Variants in MDGA2 observed in about 807,000 individuals in gnomAD.
MDGA2 encodes the protein MAM domain-containing glycosylphosphatidylinositol anchor protein 2.
A neutral mutation model predicts 117.8 loss-of-function variants in MDGA2; 40 were observed. The ratio of observed to expected loss-of-function variants is 0.34; its 90% CI spans 0.26 to 0.44. The LOEUF is 0.44. MDGA2 is among the 20% of genes least tolerant of loss of function. The probability of loss-of-function intolerance (pLI) is 1.00; values close to 1 mark genes in which losing one functional copy is unlikely to be tolerated. For synonymous variants in MDGA2, 452 were observed against 439.0 expected (o/e 1.03, Z -0.37); for missense variants, 1,123 against 1,250.6 (o/e 0.90, Z 1.54).
At chr14:47,034,569 A>C (rs1271026506) in intron 8 of MDGA2, among the ~76,000 whole-genome samples, 1 of 152,154 alleles carries the variant, frequency 6.6e-6, no homozygotes, top group Non-Finnish European at 1.5e-5. Flanking sequence ...ATAGGTAGAT[A>C]ATTTGGGAAA....
At chr14:47,520,323 C>T (rs1218684715) in intron 1 of MDGA2, among the ~76,000 whole-genome samples, 1 of 152,122 alleles carries the variant, frequency 6.6e-6, no homozygotes, top group Non-Finnish European at 1.5e-5. Context: ...GCAATGGATA[C>T]CTGCAACAAA....
intron 1 of MDGA2, among the ~76,000 whole-genome samples, chr14:47,369,448 T>C (rs1458594282): frequency 6.6e-6 from 1 of 152,152 alleles, no homozygotes; most frequent in Non-Finnish European, 1.5e-5. Flanking sequence ...CACTATTTCC[T>C]AATGGCTTTT....
intron 1 of MDGA2, among the ~76,000 whole-genome samples, chr14:47,469,738 C>T (rs1419678799): frequency 6.6e-6 from 1 of 152,090 alleles, no homozygotes; most frequent in Non-Finnish European, 1.5e-5. Context: ...CACTGACTTC[C>T]ACAATGGTTG....
At chr14:47,478,850 T>A (rs990680414) in intron 1 of MDGA2, among the ~76,000 whole-genome samples, 1 of 152,188 alleles carries the variant, frequency 6.6e-6, no homozygotes, top group Non-Finnish European at 1.5e-5. Context: ...AGACATGGCT[T>A]TGAAGAATTA....
At chr14:47,466,022 C>T (rs1893595934) in intron 1 of MDGA2, among the ~76,000 whole-genome samples, 1 of 152,078 alleles carries the variant, frequency 6.6e-6, no homozygotes, top group South Asian at 2.1e-4. Flanking sequence ...TTTGTGGGAA[C>T]ATGGATGGAG....
chr14:47,336,981 A>G (rs1304354947), intron 1 of MDGA2, among the ~76,000 whole-genome samples: 1 of 151,968 alleles, frequency 6.6e-6, no homozygotes, highest in African/African-American at 2.4e-5. Flanking sequence ...TTTCACATTC[A>G]TGCCAATGTG....
intron 1 of MDGA2, among the ~76,000 whole-genome samples, chr14:47,367,146 T>C (rs1356786300): frequency 1.3e-5 from 2 of 152,180 alleles, no homozygotes; most frequent in Non-Finnish European, 2.9e-5. Context: ...TTCTTTATTT[T>C]ATGATAAACA....
intron 8 of MDGA2, among the ~76,000 whole-genome samples, chr14:46,966,147 TAA>T (rs1886022418): frequency 6.6e-6 from 1 of 152,296 alleles, no homozygotes; most frequent in South Asian, 2.1e-4. Flanking sequence ...GATACTGTGT[TAA>T]GATATTCACA....
At chr14:46,932,088 A>C (rs1884601955) in intron 9 of MDGA2, among the ~76,000 whole-genome samples, 1 of 152,156 alleles carries the variant, frequency 6.6e-6, no homozygotes, top group Non-Finnish European at 1.5e-5. Context: ...GCATTTAAAG[A>C]AAATGCCATA....
intron 2 of MDGA2, among the ~76,000 whole-genome samples, chr14:47,251,796 C>A (rs1163096841): frequency 6.6e-6 from 1 of 152,138 alleles, no homozygotes; most frequent in Non-Finnish European, 1.5e-5. Context: ...AAAACACAAT[C>A]AACATAAAGA....
intron 2 of MDGA2, among the ~76,000 whole-genome samples, chr14:47,298,683 CTTTT>C (rs66784813): frequency 1.2e-4 from 15 of 126,112 alleles, no homozygotes; most frequent in Non-Finnish European, 2.0e-4. Context: ...CTTAATTTTT[CTTTT>C]TTTTTTTTTT....
At chr14:47,507,579 T>C (rs920191135) in intron 1 of MDGA2, among the ~76,000 whole-genome samples, 11 of 152,208 alleles carry the variant, frequency 7.2e-5, no homozygotes, top group African/African-American at 2.7e-4. Context: ...TTCAAGTAGC[T>C]ATAACATGTT....
At chr14:47,145,324 A>C (rs1046088819) in intron 3 of MDGA2, among the ~76,000 whole-genome samples, 1 of 152,176 alleles carries the variant, frequency 6.6e-6, no homozygotes, top group South Asian at 2.1e-4. Flanking sequence ...TGAAAGCAGC[A>C]AAACACAATA....
At chr14:47,602,127 AC>A (rs1260902702) in intron 1 of MDGA2, among the ~76,000 whole-genome samples, 1 of 152,188 alleles carries the variant, frequency 6.6e-6, no homozygotes, top group Non-Finnish European at 1.5e-5. Flanking sequence ...ATGCTAACAA[AC>A]TATTTTTTTA....
intron 1 of MDGA2, among the ~76,000 whole-genome samples, chr14:47,447,485 G>A (rs1170537527): frequency 6.6e-6 from 1 of 152,126 alleles, no homozygotes; most frequent in Non-Finnish European, 1.5e-5. Flanking sequence ...GTTTTCTGTT[G>A]TTGGATGCTT....
At chr14:47,186,059 A>T (rs113616015) in intron 3 of MDGA2, among the ~76,000 whole-genome samples, 1 of 151,618 alleles carries the variant, frequency 6.6e-6, no homozygotes, top group African/African-American at 2.4e-5. Flanking sequence ...AAGAAGAAGA[A>T]AATCCATTCA....
chr14:47,100,961 C>T (rs565829233), intron 5 of MDGA2, among the ~76,000 whole-genome samples: 1 of 151,970 alleles, frequency 6.6e-6, no homozygotes, highest in Admixed American at 6.6e-5. Context: ...ATGGAAGGCA[C>T]AGGTCATGAT....
Position 47,096,710 on chromosome 14 carries a change from C to T in MDGA2, c.1195+144G>A, listed in dbSNP as rs1879989925. On this transcript the variant is annotated intron_variant, in intron 6 of 16. Transcript: ENST00000399232. ...CTGTTTAAGTTCCACTTATAATTAC[C>T]CACCATTATTATTTATACATGATTT... is the stretch of plus-strand genomic sequence containing the variant. 5 of 815,190 alleles carry T rather than the reference C, an allele frequency of 6.1e-6. No individual in the cohort carries two copies. The Admixed American group carries it at 1.1e-4, about 18-fold the overall frequency. 50.5% of individuals were successfully genotyped at this position (815,190 alleles called of 1,614,324 possible).
chr14:47,564,633 G>C (rs977017268), intron 1 of MDGA2, among the ~76,000 whole-genome samples: 2 of 152,166 alleles, frequency 1.3e-5, no homozygotes, highest in Non-Finnish European at 2.9e-5. Flanking sequence ...GATTTGGGTG[G>C]GGACACAGAG....
Sources: allele counts gnomAD v4.1 joint callset (sites outside exome capture counted in the v4.1 genomes callset), GRCh38; gene constraint gnomAD v4.1.1; transcripts MANE v1.5; gene names NCBI Gene and HGNC (gene_info 2026-07-23, HGNC 2026-07-21).